Variants in ZNF680 observed in about 807,000 individuals in gnomAD.
The protein encoded by ZNF680 is zinc finger protein 680.
A neutral mutation model predicts 12.1 loss-of-function variants in ZNF680; 6 were observed. The observed-to-expected ratio is 0.49, with a 90% CI of 0.27 to 0.98. The LOEUF is 0.98. ZNF680 is among the 50% of genes least tolerant of loss of function. ZNF680 has a pLI of 0.12. For missense variants in ZNF680, 561 were observed against 616.3 expected (o/e 0.91, Z 0.95); for synonymous variants, 170 against 199.3 (o/e 0.85, Z 1.24).
the ZNF680 span, among the ~76,000 whole-genome samples, chr7:64,502,587 AT>A: frequency 6.6e-6 from 1 of 152,098 alleles, no homozygotes; most frequent in Non-Finnish European, 1.5e-5. Context: ...TAGTGTTACG[AT>A]TTGCTTTTTA....
At chr7:64,553,697 T>C (rs991484546) in intron 1 of ZNF680, among the ~76,000 whole-genome samples, 1 of 152,250 alleles carries the variant, frequency 6.6e-6, no homozygotes, top group South Asian at 2.1e-4. Flanking sequence ...CTGATTCTCC[T>C]GCCTCAGCCT....
At chr7:64,529,536 G>C (rs1785755033) in intron 3 of ZNF680, among the ~76,000 whole-genome samples, 1 of 152,054 alleles carries the variant, frequency 6.6e-6, no homozygotes, top group South Asian at 2.1e-4. Flanking sequence ...TGAATGAATA[G>C]AAGAAAGAAA....
chr7:64,508,193 G>A, the ZNF680 span, among the ~76,000 whole-genome samples: 5 of 141,882 alleles, frequency 3.5e-5, no homozygotes, highest in African/African-American at 1.4e-4. Flanking sequence ...TGCCCAGGCT[G>A]GAGTGCAGTC....
chr7:64,521,065 T>G lies in ZNF680; in HGVS notation c.*96A>C. On this transcript the variant is annotated 3_prime_UTR_variant, in exon 4 of 4. Transcript: ENST00000309683. ...TTTCTCCAATATAAATTATCTTACC[T>G]ACAAGCAAGTGTAACAATCATTGGA... 7.6e-7 allele frequency: 1 copy of G among 1,320,142 alleles called. No homozygotes were observed. 81.8% of individuals were successfully genotyped at this position (1,320,142 alleles called of 1,614,324 possible). A position where few individuals can be genotyped will look rare whatever the true frequency, so the allele number is the denominator to read the frequency against.
chr7:64,544,559 AG>A, intron 1 of ZNF680, 127 bp from the exon 2 acceptor site: 1 of 1,424,264 alleles, frequency 7.0e-7, no homozygotes, highest in Non-Finnish European at 9.3e-7. Context: ...TCTGACTTAC[AG>A]GAGTGAGTCA....
rs985497757 is a variant in ZNF680, at chr7:64,520,771, T to C, written c.*390A>G. The stretch of plus-strand genomic sequence containing the variant: ...AAGTAAAGGTACTACAACCCTCCTA[T>C]GCTCCTTATATTTGTTATGTTTGTC... On this transcript the variant is annotated 3_prime_UTR_variant, in exon 4 of 4. Coordinates refer to ENST00000309683, the MANE Select transcript of ZNF680 (RefSeq NM_178558.5). The C allele has an allele frequency of 4.7e-5, 8 of 171,666 alleles. No homozygotes were observed. The highest frequency in any genetic ancestry group is 1.7e-4 in the African/African-American group (7 of 41,570). The allele number at this position is 171,666 out of a possible 1,614,324, so 10.6% of individuals were successfully genotyped here. A position where few individuals can be genotyped will look rare whatever the true frequency, so the allele number is the denominator to read the frequency against.
chr7:64,527,816 A>G (rs1791950849), intron 3 of ZNF680, among the ~76,000 whole-genome samples: 1 of 152,216 alleles, frequency 6.6e-6, no homozygotes, highest in Non-Finnish European at 1.5e-5. Context: ...ACTAGACTGC[A>G]GCTCCAACTC....
chr7:64,549,777 T>C (rs1786974441), intron 1 of ZNF680, among the ~76,000 whole-genome samples: 1 of 151,978 alleles, frequency 6.6e-6, no homozygotes, highest in Non-Finnish European at 1.5e-5. Context: ...GGTCAGGAGT[T>C]TGAGACCAGC....
At chr7:64,538,008 T>G (rs1359525768) in intron 3 of ZNF680, among the ~76,000 whole-genome samples, 1 of 152,084 alleles carries the variant, frequency 6.6e-6, no homozygotes, top group African/African-American at 2.4e-5. Context: ...CAAATGATCT[T>G]TCACTAAGTC....
intron 3 of ZNF680, among the ~76,000 whole-genome samples, chr7:64,530,227 A>G (rs1251036608): frequency 2.0e-5 from 3 of 152,222 alleles, no homozygotes; most frequent in African/African-American, 7.2e-5. Context: ...CAGGACCTAT[A>G]GAACAAAAAT....
At chr7:64,529,497 C>T (rs1785751957) in intron 3 of ZNF680, among the ~76,000 whole-genome samples, 1 of 152,066 alleles carries the variant, frequency 6.6e-6, no homozygotes, top group African/African-American at 2.4e-5. Context: ...ACACTGGACA[C>T]ACTTACAGTA....
intron 3 of ZNF680, among the ~76,000 whole-genome samples, chr7:64,534,100 C>T (rs1369817204): frequency 1.3e-5 from 2 of 152,112 alleles, no homozygotes; most frequent in Non-Finnish European, 2.9e-5. Flanking sequence ...TAAACATTGG[C>T]TTAGGCAAGG....
At chr7:64,542,719 T>C (rs906603358) in intron 3 of ZNF680, among the ~76,000 whole-genome samples, 4 of 152,148 alleles carry the variant, frequency 2.6e-5, no homozygotes, top group African/African-American at 4.8e-5. Flanking sequence ...TAATTATTTT[T>C]TGAGACAGAG....
Position 64,520,385 on chromosome 7 carries a change from C to T in ZNF680, c.*776G>A, listed in dbSNP as rs1035437978. The T allele has an allele frequency of 6.6e-6, 1 of 151,724 alleles. No homozygotes were observed. The highest frequency in any genetic ancestry group is 1.5e-5 in the Non-Finnish European group (1 of 67,732). 9.4% of individuals were successfully genotyped at this position (151,724 alleles called of 1,614,324 possible). A position where few individuals can be genotyped will look rare whatever the true frequency, so the allele number is the denominator to read the frequency against. ...TTATAACTCTCCAAAGAATCTTCTA[C>T]TCCTTTTAAAGTTATTTACAAATAA... On this transcript the variant is annotated 3_prime_UTR_variant, in exon 4 of 4. Coordinates refer to ENST00000309683, the MANE Select transcript of ZNF680 (RefSeq NM_178558.5).
intron 3 of ZNF680, among the ~76,000 whole-genome samples, chr7:64,522,973 A>G (rs1373432287): frequency 6.6e-6 from 1 of 152,024 alleles, no homozygotes; most frequent in Non-Finnish European, 1.5e-5. Context: ...CAAATTCTGA[A>G]AAAGTATATT....
At position 64,521,182 on chromosome 7, in the gene ZNF680, G is replaced by A. The variant is rs771652229; in HGVS notation, c.1572C>T (p.Asp524=). ...GEKLYKPEKC[D]NNFDNT ...AGTTTTAGGTGTTATCAAAATTATT[G>A]TCACATTTTTCAGGTTTGTAGAGTT... is the stretch of plus-strand genomic sequence containing the variant. The change falls in exon 4 of 4, where the codon GAC becomes GAT. Residue 524 remains aspartate (D), a synonymous_variant. Transcript: ENST00000309683. The A allele has an allele frequency of 1.2e-6, 2 of 1,608,090 alleles. No homozygotes were observed. The highest frequency in any genetic ancestry group is 3.4e-5 in the Admixed American group (2 of 59,060).
At chr7:64,547,145 A>G (rs1786829605) in intron 1 of ZNF680, among the ~76,000 whole-genome samples, 1 of 152,190 alleles carries the variant, frequency 6.6e-6, no homozygotes, top group African/African-American at 2.4e-5. Context: ...TCACTTGATA[A>G]TTTTGGTCTC....
chr7:64,511,987 A>T, the ZNF680 span, among the ~76,000 whole-genome samples: 2 of 151,670 alleles, frequency 1.3e-5, no homozygotes, highest in African/African-American at 4.8e-5. Context: ...TGACCCTGGG[A>T]GGCGGAGGTT....
the ZNF680 span, among the ~76,000 whole-genome samples, chr7:64,509,840 A>G: frequency 6.6e-6 from 1 of 152,026 alleles, no homozygotes; most frequent in Non-Finnish European, 1.5e-5. Context: ...GGAGAGAGAG[A>G]AGGAGGAGAA....
Sources: allele counts gnomAD v4.1 joint callset (sites outside exome capture counted in the v4.1 genomes callset), GRCh38; gene constraint gnomAD v4.1.1; transcripts MANE v1.5; gene names NCBI Gene and HGNC (gene_info 2026-07-23, HGNC 2026-07-21).